RALGAPA2: variants seen among roughly 807,000 people sequenced by gnomAD.
RALGAPA2 encodes ral GTPase-activating protein subunit alpha-2.
A neutral mutation model predicts 230.4 loss-of-function variants in RALGAPA2; 139 were observed. That is an observed-to-expected ratio of 0.60 (90% confidence interval 0.53 to 0.69). The LOEUF (loss-of-function observed/expected upper bound fraction) is 0.69. Among genes scored for constraint, RALGAPA2 ranks in the 30% least tolerant of loss-of-function variants. The pLI is 0.00. For synonymous variants in RALGAPA2, 847 were observed against 837.8 expected (o/e 1.01, Z -0.19); for missense variants, 2,163 against 2,276.0 (o/e 0.95, Z 1.01).
chr20:20,458,581 C>A (rs1186951071), intron 37 of RALGAPA2, among the ~76,000 whole-genome samples: 1 of 108,076 alleles, frequency 9.3e-6, no homozygotes, highest in African/African-American at 4.3e-5. Context: ...AATATATATA[C>A]CAATACAATA....
chr20:20,712,563 G>A lies in RALGAPA2; in HGVS notation c.-83C>T. 2.3e-6 allele frequency: 3 copies of A among 1,319,918 alleles called. No homozygotes were observed. The highest frequency in any genetic ancestry group is 3.2e-5 in the East Asian group (1 of 31,068). 81.8% of individuals were successfully genotyped at this position (1,319,918 alleles called of 1,614,324 possible). On this transcript the variant is annotated 5_prime_UTR_variant, in exon 1 of 40. Transcript: ENST00000202677. This position sits in a 1 kb window ranked among gnomAD's most constrained non-coding sequence, Gnocchi z 5.5. ...ATCAAAGCATAGGGTCGAGGCCGGC[G>A]CGTGTCGCGCGGGCCACTCGCCGCC...
intron 1 of RALGAPA2, among the ~76,000 whole-genome samples, chr20:20,685,126 T>TA (rs78864409): frequency 0.016 from 2,231 of 141,792 alleles, 41 homozygotes; most frequent in African/African-American, 0.043. Context: ...TTTGCTCAAT[T>TA]AAAAAAAAAA....
intron 34 of RALGAPA2, among the ~76,000 whole-genome samples, chr20:20,504,128 A>G (rs1681998248): frequency 6.6e-6 from 1 of 152,232 alleles, no homozygotes; most frequent in African/African-American, 2.4e-5. Flanking sequence ...AAAAAGAAAT[A>G]GAAGAATCTC....
At chr20:20,422,895 T>C (rs929617506) in intron 37 of RALGAPA2, among the ~76,000 whole-genome samples, 3 of 152,134 alleles carry the variant, frequency 2.0e-5, no homozygotes, top group Admixed American at 6.5e-5. Flanking sequence ...GAGCGATTCA[T>C]GGGAATGAGG....
chr20:20,563,075 T>G (rs916991570), intron 23 of RALGAPA2, among the ~76,000 whole-genome samples: 2 of 152,220 alleles, frequency 1.3e-5, no homozygotes, highest in Non-Finnish European at 2.9e-5. Flanking sequence ...ACTCTGAATT[T>G]GTACAATAAG....
intron 27 of RALGAPA2, among the ~76,000 whole-genome samples, chr20:20,529,314 C>T (rs772453520): frequency 2.6e-5 from 4 of 152,184 alleles, no homozygotes; most frequent in Admixed American, 6.5e-5. Context: ...AATCTCCATG[C>T]TGTGCTGGGA....
chr20:20,668,386 G>C (rs1414930151), intron 3 of RALGAPA2, among the ~76,000 whole-genome samples: 1 of 152,152 alleles, frequency 6.6e-6, no homozygotes, highest in Non-Finnish European at 1.5e-5. Context: ...CTGAGCAACA[G>C]AGCGAGACTG....
At chr20:20,401,745 G>A (rs2059845151) in intron 38 of RALGAPA2, among the ~76,000 whole-genome samples, 1 of 152,222 alleles carries the variant, frequency 6.6e-6, no homozygotes, top group Admixed American at 6.5e-5. Flanking sequence ...CAATGGAAAT[G>A]TCTGGTAGTT....
chr20:20,473,134 C>A (rs2061576179), intron 36 of RALGAPA2, among the ~76,000 whole-genome samples, 178 bp from the exon 37 acceptor site: 1 of 152,208 alleles, frequency 6.6e-6, no homozygotes, highest in Non-Finnish European at 1.5e-5. Context: ...AGCAGGACTG[C>A]CCCACAATGC....
At chr20:20,648,868 A>G (rs767783272) in intron 4 of RALGAPA2, among the ~76,000 whole-genome samples, 26 of 152,186 alleles carry the variant, frequency 1.7e-4, no homozygotes, top group Admixed American at 3.3e-4. Context: ...AAGAAAGACC[A>G]TGATCTCACC....
chr20:20,468,208 A>G (rs1007937525), intron 37 of RALGAPA2, among the ~76,000 whole-genome samples: 4 of 152,220 alleles, frequency 2.6e-5, no homozygotes, highest in African/African-American at 9.6e-5. Context: ...CCAGGAATTT[A>G]TCAAACACAT....
chr20:20,623,211 C>T (rs527403465), intron 10 of RALGAPA2, among the ~76,000 whole-genome samples: 33 of 152,246 alleles, frequency 2.2e-4, no homozygotes, highest in Non-Finnish European at 4.4e-4. Context: ...GTTTAAAAGA[C>T]TTCGCTGCAA....
At chr20:20,545,011 A>G (rs764176630) in intron 24 of RALGAPA2, among the ~76,000 whole-genome samples, 34 of 152,314 alleles carry the variant, frequency 2.2e-4, no homozygotes, top group Non-Finnish European at 4.4e-4. Context: ...CCAGAACTTA[A>G]GTATAATTTA....
rs77085578 is a variant in RALGAPA2, at chr20:20,654,728, T to C, written c.271-1141A>G. Among the ~76,000 whole-genome samples the C allele has an allele frequency of 6.6e-3, 1,004 of 152,364 alleles. 9 individuals carry two copies. The highest frequency in any genetic ancestry group is 0.023 in the African/African-American group (970 of 41,582). On this transcript the variant is annotated intron_variant, in intron 3 of 39. Coordinates refer to ENST00000202677, the MANE Select transcript of RALGAPA2 (RefSeq NM_020343.4). ...TGGGAGTGCAGATATCTCTTCTGCATACTGATTTTAATTCCTTGGGACATA... is the reference window on the plus strand; with the variant it reads ...TGGGAGTGCAGATATCTCTTCTGCACACTGATTTTAATTCCTTGGGACATA...
intron 14 of RALGAPA2, among the ~76,000 whole-genome samples, chr20:20,608,887 G>T (rs897799751): frequency 2.6e-5 from 4 of 152,224 alleles, no homozygotes; most frequent in Non-Finnish European, 5.9e-5. Context: ...GAAAGCTAAA[G>T]TCATGTGCTC....
chr20:20,525,800 G>A (rs1426678290), intron 28 of RALGAPA2, among the ~76,000 whole-genome samples: 1 of 152,134 alleles, frequency 6.6e-6, no homozygotes, highest in African/African-American at 2.4e-5. Flanking sequence ...AAAGGTTATC[G>A]TGGTAGCAAT....
In RALGAPA2 at chr20:20,674,855, T is replaced by C. The variant is rs1030939849; in HGVS notation, c.270+1381A>G. 9.9e-5 allele frequency among the ~76,000 whole-genome samples: 15 copies of C among 152,112 alleles called. 1 individual carries two copies. Among genetic ancestry groups the C allele is most frequent in the Non-Finnish European group, 2.2e-4 (15 of 68,018 alleles). On this transcript the variant is annotated intron_variant, in intron 3 of 39. Transcript: ENST00000202677. ...AAGCCATTTTTTAAAAGAAAGAGAA[T>C]GATAAAATGCAGGGGAGTTACTGTC...
chr20:20,412,118 T>C lies in RALGAPA2; in HGVS notation c.5526A>G (p.Ala1842=), dbSNP rs780674639. The C allele has an allele frequency of 6.2e-7, 1 of 1,613,984 alleles. No individual in the cohort carries two copies. The highest frequency in any genetic ancestry group is 2.2e-5 in the East Asian group (1 of 44,878). Residue 1842 remains alanine, a synonymous_variant, in exon 38 of 40, where the codon GCA becomes GCG. Coordinates refer to ENST00000202677, the MANE Select transcript of RALGAPA2 (RefSeq NM_020343.4). ...TTACTTCGCGGTGGTTCTGAATTAT[T>C]GCTTCGAGATACAGAGCTCGCTCTT... The part of the protein sequence containing the change: ...FYEERALYLE[A]IIQNHREVMT...
In RALGAPA2 at chr20:20,572,935, T is replaced by TG. The variant is rs1224336016; in HGVS notation, c.2840dup (p.Pro948ThrfsTer13). The TG allele has an allele frequency of 6.3e-7, 1 of 1,576,694 alleles. No homozygotes were observed. Among genetic ancestry groups the TG allele is most frequent in the African/African-American group, 1.3e-5 (1 of 74,238 alleles). On this transcript the variant is annotated frameshift_variant, in exon 21 of 40. Transcript: ENST00000202677. LOFTEE classifies it high-confidence loss of function. ...AGAAAACTCTGGCATGGATCTTGGG[T>TG]GACTGGATGTTATTCACATCTCCGA...
Sources: allele counts gnomAD v4.1 joint callset (sites outside exome capture counted in the v4.1 genomes callset), GRCh38; gene constraint gnomAD v4.1.1; non-coding constraint Gnocchi (gnomAD v3.1); transcripts MANE v1.5; gene names NCBI Gene and HGNC (gene_info 2026-07-23, HGNC 2026-07-21).